The following MCPH1 variants were observed in gnomAD, a reference collection of about 807,000 sequenced individuals.
MCPH1 encodes the protein microcephalin.
MCPH1 carries 104 observed loss-of-function variants against 84.5 expected under a neutral mutation model. The observed-to-expected ratio is 1.23, with a 90% CI of 1.05 to 1.45. MCPH1 has a LOEUF of 1.45. MCPH1 is among the 40% of genes most tolerant of loss of function. The probability of loss-of-function intolerance (pLI) is 0.00; values close to 1 mark genes in which losing one functional copy is unlikely to be tolerated. For missense variants in MCPH1, 1,498 were observed against 1,005.7 expected, an observed-to-expected ratio of 1.49 and a Z score of -6.62; for synonymous variants, 514 against 366.8, an observed-to-expected ratio of 1.40 and a Z score of -4.58.
chr8:6,610,799 T>G (rs1190116376), intron 12 of MCPH1, among the ~76,000 whole-genome samples: 2 of 152,038 alleles, frequency 1.3e-5, no homozygotes, highest in Non-Finnish European at 2.9e-5. Context: ...CATGCCCATT[T>G]CCTTAAAACT....
Position 6,453,038 on chromosome 8 carries a change from G to C in MCPH1, c.1826-2105G>C, listed in dbSNP as rs535720659. ...TCTTCAGTAATGGACGACTTTATGG[G>C]AAGTGATGAAATCACCTTGGGGAGT... On this transcript the variant is annotated intron_variant, in intron 8 of 13. Transcript: ENST00000344683. 8.1e-4 allele frequency among the ~76,000 whole-genome samples: 123 copies of C among 152,320 alleles called. No individual in the cohort carries two copies. The South Asian group carries it at 0.012, about 14-fold the overall frequency.
chr8:6,605,356 G>A (rs574732830), intron 12 of MCPH1, among the ~76,000 whole-genome samples: 1 of 152,180 alleles, frequency 6.6e-6, no homozygotes, highest in African/African-American at 2.4e-5. Context: ...TCACCCAGGG[G>A]TGAGTTTTGT....
At chr8:6,486,486 C>T (rs1809944579) in intron 11 of MCPH1, among the ~76,000 whole-genome samples, 1 of 152,156 alleles carries the variant, frequency 6.6e-6, no homozygotes, top group Non-Finnish European at 1.5e-5. Flanking sequence ...AGATTTGTAG[C>T]AGTTCTTCAG....
At position 6,422,873 on chromosome 8, in the gene MCPH1, A is replaced by G. The variant is rs1800434456; in HGVS notation, c.233+7990A>G. On this transcript the variant is annotated intron_variant, in intron 3 of 13. Transcript: ENST00000344683. ...CCGGCTAATTTTTTGTGGTTTTAGTAGAGACGGGGTTTCACTGTGTTAGCC... is the reference window on the plus strand; with the variant it reads ...CCGGCTAATTTTTTGTGGTTTTAGTGGAGACGGGGTTTCACTGTGTTAGCC... 2.0e-5 allele frequency among the ~76,000 whole-genome samples: 3 copies of G among 151,866 alleles called. No individual in the cohort carries two copies. In the South Asian group the frequency reaches 6.3e-4, roughly 32 times the overall value.
At chr8:6,633,969 G>T (rs535740108) in intron 13 of MCPH1, among the ~76,000 whole-genome samples, 1 of 152,186 alleles carries the variant, frequency 6.6e-6, no homozygotes, top group Non-Finnish European at 1.5e-5. Flanking sequence ...AGTGTGAAGC[G>T]TCTTACAGAA....
At position 6,480,881 on chromosome 8, in the gene MCPH1, G is replaced by A. The variant is rs1361563323; in HGVS notation, c.2136+5G>A. On this transcript the variant is annotated splice_donor_5th_base_variant and intron_variant, in intron 11 of 13. Coordinates refer to ENST00000344683, the MANE Select transcript of MCPH1 (RefSeq NM_024596.5). Reference sequence around the variant, plus strand: ...TGGGTTCTCTCTTATGATTGGGTAAGCCCTGTGTGTGAACTGCGTATTTTA... The same window carrying A: ...TGGGTTCTCTCTTATGATTGGGTAAACCCTGTGTGTGAACTGCGTATTTTA... 4 of 1,613,752 alleles carry A rather than the reference G, an allele frequency of 2.5e-6. No homozygotes were observed. Among genetic ancestry groups the A allele is most frequent in the South Asian group, 1.1e-5 (1 of 91,080 alleles).
chr8:6,528,258 C>T (rs58191715), intron 12 of MCPH1, among the ~76,000 whole-genome samples: 2 of 152,084 alleles, frequency 1.3e-5, no homozygotes, highest in Non-Finnish European at 2.9e-5. Context: ...GTGCCAAATA[C>T]TAAATGTTAT....
At position 6,621,550 on chromosome 8, in the gene MCPH1, C is replaced by T. The variant is rs369802722; in HGVS notation, c.2311C>T (p.Pro771Ser). 10 of 1,614,102 alleles carry T rather than the reference C, an allele frequency of 6.2e-6. No individual in the cohort carries two copies. The African/African-American group carries it at 1.1e-4, about 17-fold the overall frequency. The change falls in exon 13 of 14, where the codon CCA becomes TCA. Residue 771 changes from proline (P) to serine (S), a missense_variant. By Grantham distance (74) the Pro-to-Ser change is moderately conservative (BLOSUM62 -1). Transcript: ENST00000344683. ...GTTTGTCTCGCCTGCCAGCAGCCCCCCAGTGGCCAAGCTCTGTGAACTAGT... is the reference window on the plus strand; with the variant it reads ...GTTTGTCTCGCCTGCCAGCAGCCCCTCAGTGGCCAAGCTCTGTGAACTAGT... ...AMFVSPASSP[P>S]VAKLCELVHL...
At chr8:6,502,410 C>T (rs1248878197) in intron 12 of MCPH1, 1 of 152,140 alleles carries the variant, frequency 6.6e-6, no homozygotes, top group East Asian at 1.9e-4. Context: ...TTGATAATTT[C>T]AGAGATTCTG....
chr8:6,561,300 G>A (rs761747890), intron 12 of MCPH1, among the ~76,000 whole-genome samples: 1 of 152,188 alleles, frequency 6.6e-6, no homozygotes, highest in Non-Finnish European at 1.5e-5. Context: ...CATTTGATAG[G>A]TCATTTTGGT....
rs1043553207 is a variant in MCPH1, at chr8:6,548,821, C to A, written c.2214+48892C>A. On this transcript the variant is annotated intron_variant, in intron 12 of 13. Coordinates refer to ENST00000344683, the MANE Select transcript of MCPH1 (RefSeq NM_024596.5). ...AGATTTGAAAGACCAGAGTGAGCAG[C>A]AGATAGGCCCTTGGGTCCTTCCTTT... 2.0e-4 allele frequency among the ~76,000 whole-genome samples: 31 copies of A among 152,194 alleles called. 1 individual carries two copies. The highest frequency in any genetic ancestry group is 2.0e-3 in the Admixed American group (31 of 15,284).
At chr8:6,455,763 G>C (rs1805605423) in intron 9 of MCPH1, among the ~76,000 whole-genome samples, 1 of 152,048 alleles carries the variant, frequency 6.6e-6, no homozygotes, top group African/African-American at 2.4e-5. Flanking sequence ...AATAGAATGA[G>C]GATTTTAAAT....
chr8:6,521,475 A>G (rs1817324170), intron 12 of MCPH1: 1 of 1,150,186 alleles, frequency 8.7e-7, no homozygotes, highest in African/African-American at 1.6e-5. Context: ...TATTTATTGA[A>G]TTTCTACTTC....
chr8:6,639,686 T>C (rs1378065127), intron 13 of MCPH1, among the ~76,000 whole-genome samples: 2 of 151,994 alleles, frequency 1.3e-5, no homozygotes, highest in African/African-American at 4.8e-5. Flanking sequence ...AAAAACATAT[T>C]TACATAGAAA....
intron 8 of MCPH1, chr8:6,445,836 G>A (rs1363138892): frequency 2.7e-6 from 3 of 1,129,778 alleles, no homozygotes; most frequent in African/African-American, 1.6e-5. Context: ...GAATAACTGA[G>A]GGGAGTGAAG....
chr8:6,505,320 GT>G lies in MCPH1; in HGVS notation c.2214+5393del, dbSNP rs556583432. On this transcript the variant is annotated intron_variant, in intron 12 of 13. Coordinates refer to ENST00000344683, the MANE Select transcript of MCPH1 (RefSeq NM_024596.5). ...ATATATATGTATATAACATATATAT[GT>G]TATATACATATAGAAAGAATATATA... Among the ~76,000 whole-genome samples, 192 of 48,548 alleles carry G rather than the reference GT, an allele frequency of 4.0e-3. 28 individuals carry two copies. Among genetic ancestry groups the G allele is most frequent in the African/African-American group, 0.02 (172 of 8,494 alleles). The allele number at this position is 48,548 out of a possible 152,430, so 31.8% of individuals were successfully genotyped here.
chr8:6,489,886 A>T (rs775733121), intron 11 of MCPH1, among the ~76,000 whole-genome samples: 4 of 152,158 alleles, frequency 2.6e-5, no homozygotes, highest in Non-Finnish European at 5.9e-5. Context: ...ATATTAATGA[A>T]AAAGTTGCTG....
At chr8:6,406,719 A>C (rs536383804) in intron 1 of MCPH1, 30 bp downstream of exon 1, 19 of 1,610,584 alleles carry the variant, frequency 1.2e-5, no homozygotes, top group Middle Eastern at 1.7e-4. Flanking sequence ...CTGCTCCAGC[A>C]GCGGGAGTTT....
intron 12 of MCPH1, among the ~76,000 whole-genome samples, chr8:6,567,464 G>T (rs943271767): frequency 3.3e-5 from 5 of 152,220 alleles, no homozygotes; most frequent in South Asian, 2.1e-4. Context: ...GCTTACAGGG[G>T]CTTACTAACG....
Sources: allele counts gnomAD v4.1 joint callset (sites outside exome capture counted in the v4.1 genomes callset), GRCh38; gene constraint gnomAD v4.1.1; transcripts MANE v1.5; gene names NCBI Gene and HGNC (gene_info 2026-07-23, HGNC 2026-07-21).